ZNF536: variants seen among roughly 807,000 people sequenced by gnomAD.
ZNF536 encodes zinc finger protein 536.
In ZNF536, 13 loss-of-function variants were observed where a neutral mutation model predicts 84.5. That is an observed-to-expected ratio of 0.15 (90% CI 0.10 to 0.24). The LOEUF (loss-of-function observed/expected upper bound fraction) is 0.24, where lower values mean the gene tolerates loss of function less well. ZNF536 is among the 10% of genes least tolerant of loss of function. The pLI, the probability that ZNF536 is intolerant of heterozygous loss-of-function variation, is 1.00. For missense variants in ZNF536, 1,536 were observed against 1,747.5 expected, an observed-to-expected ratio of 0.88 and a Z score of 2.16; for synonymous variants, 811 against 742.5, an observed-to-expected ratio of 1.09 and a Z score of -1.50.
In ZNF536 at chr19:30,297,141, C is replaced by T. The variant is rs73927005; in HGVS notation, c.-120+13000C>T. Reference sequence around the variant, plus strand: ...TTCAAAAGAGTCTTGAAGCTCAGTCCGACTGCAGCCCAAGCATCTGCCCTT... The same window carrying T: ...TTCAAAAGAGTCTTGAAGCTCAGTCTGACTGCAGCCCAAGCATCTGCCCTT... On this transcript the variant is annotated intron_variant, in intron 2 of 5. Coordinates refer to the ZNF536 transcript ENST00000585628. Among the ~76,000 whole-genome samples the T allele has an allele frequency of 1.0e-2, 1,516 of 152,252 alleles. 30 individuals are homozygous for T. Among genetic ancestry groups the T allele is most frequent in the African/African-American group, 0.034 (1,423 of 41,534 alleles).
chr19:30,556,447 GA>G (rs1207077679), intron 4 of ZNF536: 1 of 152,260 alleles, frequency 6.6e-6, no homozygotes. Context: ...GTCTGATGGA[GA>G]GGCAGCCTCT....
At chr19:30,337,856 C>G (rs1036254725) in intron 2 of ZNF536, among the ~76,000 whole-genome samples, 2 of 152,184 alleles carry the variant, frequency 1.3e-5, no homozygotes, top group Non-Finnish European at 2.9e-5. Flanking sequence ...CTAGCAAGAG[C>G]TCAGTAAGTG....
chr19:30,501,414 A>G (rs2054945647), intron 2 of ZNF536, among the ~76,000 whole-genome samples: 1 of 152,234 alleles, frequency 6.6e-6, no homozygotes, highest in Admixed American at 6.5e-5. Flanking sequence ...CACAAGCTGT[A>G]CAGAATGGAA....
intron 1 of ZNF536, among the ~76,000 whole-genome samples, chr19:30,400,663 G>T (rs1435390465): frequency 6.6e-6 from 1 of 152,140 alleles, no homozygotes; most frequent in Non-Finnish European, 1.5e-5. Context: ...CTGGCCTCAA[G>T]TGATCCTCCC....
chr19:30,329,872 A>C (rs1190021479), intron 2 of ZNF536, among the ~76,000 whole-genome samples: 1 of 152,220 alleles, frequency 6.6e-6, no homozygotes, highest in Non-Finnish European at 1.5e-5. Flanking sequence ...ATTTCTGAGG[A>C]AAAATCAGAA....
intron 1 of ZNF536, among the ~76,000 whole-genome samples, chr19:30,673,614 C>T (rs936880865): frequency 6.6e-6 from 1 of 152,170 alleles, no homozygotes; most frequent in Non-Finnish European, 1.5e-5. Flanking sequence ...CCAGCCACAG[C>T]CACCCTTTTC....
At chr19:30,566,853 G>A (rs2046368414) in intron 1 of ZNF536, among the ~76,000 whole-genome samples, 1 of 151,878 alleles carries the variant, frequency 6.6e-6, no homozygotes, top group Non-Finnish European at 1.5e-5. Context: ...CCTGCATGTG[G>A]CCTCTTTGGG....
chr19:30,279,267 G>C (rs545884041), intron 1 of ZNF536, among the ~76,000 whole-genome samples: 1 of 152,128 alleles, frequency 6.6e-6, no homozygotes, highest in Non-Finnish European at 1.5e-5. Context: ...ATCTGGTCTC[G>C]GAAACATGAG....
chr19:30,599,010 T>TCCCTCC (rs1380931505), intron 1 of ZNF536, among the ~76,000 whole-genome samples: 1 of 88,692 alleles, frequency 1.1e-5, no homozygotes, highest in African/African-American at 4.9e-5. Context: ...CCTCCTTCCC[T>TCCCTCC]CTTCCTTCCT....
At chr19:30,389,939 G>C (rs188329160) in intron 1 of ZNF536, among the ~76,000 whole-genome samples, 21 of 152,310 alleles carry the variant, frequency 1.4e-4, no homozygotes, top group African/African-American at 4.8e-4. Flanking sequence ...AAGGCTTGCT[G>C]TTTCTGATAT....
At chr19:30,611,966 C>T (rs2147054969) in intron 1 of ZNF536, among the ~76,000 whole-genome samples, 1 of 152,218 alleles carries the variant, frequency 6.6e-6, no homozygotes, top group African/African-American at 2.4e-5. Context: ...GGCTCCTGTG[C>T]ACGGATCTTT....
intron 2 of ZNF536, among the ~76,000 whole-genome samples, chr19:30,490,319 A>C (rs1294000833): frequency 6.6e-6 from 1 of 152,226 alleles, no homozygotes; most frequent in African/African-American, 2.4e-5. Flanking sequence ...AGTTTTCTTC[A>C]ATCAGGATGA....
intron 3 of ZNF536, among the ~76,000 whole-genome samples, chr19:30,538,029 A>T (rs906573848): frequency 6.6e-6 from 1 of 152,244 alleles, no homozygotes; most frequent in Admixed American, 6.5e-5. Flanking sequence ...CCAAATAAAC[A>T]TCTATTATGA....
downstream of ZNF536, among the ~76,000 whole-genome samples, chr19:30,560,471 A>G (rs567696060): frequency 7.2e-5 from 11 of 152,112 alleles, no homozygotes; most frequent in East Asian, 2.1e-3. Flanking sequence ...AACAAACCCC[A>G]CCTGTTTGAA....
chr19:30,485,118 T>G (rs546121008), intron 2 of ZNF536, among the ~76,000 whole-genome samples: 16 of 151,742 alleles, frequency 1.1e-4, no homozygotes, highest in Admixed American at 6.6e-4. Flanking sequence ...CACTCCAGCC[T>G]GGGCGACAGT....
intron 2 of ZNF536, among the ~76,000 whole-genome samples, chr19:30,332,321 C>T (rs2047237948): frequency 6.6e-6 from 1 of 152,194 alleles, no homozygotes; most frequent in Non-Finnish European, 1.5e-5. Context: ...TCCCAGAGAT[C>T]CTCACCTCTG....
intron 2 of ZNF536, among the ~76,000 whole-genome samples, chr19:30,331,528 C>T (rs1263043567): frequency 3.9e-5 from 6 of 151,950 alleles, no homozygotes; most frequent in South Asian, 2.1e-4. Context: ...GTGTTCACTC[C>T]GAGTTTCTGC....
chr19:30,287,038 C>T (rs1308127839), intron 2 of ZNF536, among the ~76,000 whole-genome samples: 2 of 152,202 alleles, frequency 1.3e-5, no homozygotes, highest in African/African-American at 4.8e-5. Flanking sequence ...TGACCTACTC[C>T]TTTACTGGTT....
intron 1 of ZNF536, among the ~76,000 whole-genome samples, chr19:30,606,244 A>AAAT (rs2047876875): frequency 2.0e-4 from 12 of 60,162 alleles, no homozygotes; most frequent in Admixed American, 2.3e-4. Flanking sequence ...AAATAAAATA[A>AAAT]AATAAAATAA....
Sources: allele counts gnomAD v4.1 joint callset (sites outside exome capture counted in the v4.1 genomes callset), GRCh38; gene constraint gnomAD v4.1.1; transcripts MANE v1.5; gene names NCBI Gene and HGNC (gene_info 2026-07-23, HGNC 2026-07-21).